NLGN1: variants seen among roughly 807,000 people sequenced by gnomAD.
NLGN1 encodes neuroligin 1, also known as neuroligin-1.
Under a neutral mutation model 65.5 loss-of-function variants are expected in NLGN1, and 12 were observed. The ratio of observed to expected loss-of-function variants is 0.18; its 90% CI spans 0.12 to 0.30. The LOEUF (loss-of-function observed/expected upper bound fraction) is 0.30, where lower values mean the gene tolerates loss of function less well. Ranked by LOEUF, NLGN1 falls within the 10% of genes least tolerant of loss-of-function variation. NLGN1 has a pLI of 1.00. For missense variants in NLGN1, 750 were observed against 1,007.1 expected (o/e 0.74, Z 3.46); for synonymous variants, 350 against 359.5 (o/e 0.97, Z 0.30).
At chr3:173,957,108 GTGATTTAA>G (rs922772822) in intron 4 of NLGN1, among the ~76,000 whole-genome samples, 33 of 152,122 alleles carry the variant, frequency 2.2e-4, no homozygotes, top group Non-Finnish European at 4.3e-4. Flanking sequence ...GGAGGGTAAA[GTGATTTAA>G]TGAGAATTAG....
intron 2 of NLGN1, among the ~76,000 whole-genome samples, chr3:173,542,344 G>C (rs1300143033): frequency 1.3e-5 from 2 of 151,788 alleles, no homozygotes; most frequent in Non-Finnish European, 2.9e-5. Context: ...TTCTTTAAAG[G>C]GTGTTTTCAT....
chr3:174,006,614 T>C (rs1217228759), intron 4 of NLGN1, among the ~76,000 whole-genome samples: 1 of 152,146 alleles, frequency 6.6e-6, no homozygotes, highest in Non-Finnish European at 1.5e-5. Context: ...TATCTATTCA[T>C]CTAGTAATAG....
intron 4 of NLGN1, among the ~76,000 whole-genome samples, chr3:174,217,456 C>T (rs917817430): frequency 4.6e-5 from 7 of 152,016 alleles, no homozygotes; most frequent in Admixed American, 1.3e-4. Context: ...ACTGAAAGTC[C>T]AAGATAAGGG....
chr3:174,260,455 A>G (rs1029410002), intron 4 of NLGN1, among the ~76,000 whole-genome samples: 15 of 151,716 alleles, frequency 9.9e-5, no homozygotes, highest in African/African-American at 3.6e-4. Context: ...GCATTTTTTC[A>G]TGTGTTTTTT....
At chr3:173,937,659 T>A (rs570567681) in intron 4 of NLGN1, among the ~76,000 whole-genome samples, 2 of 152,282 alleles carry the variant, frequency 1.3e-5, no homozygotes, top group African/African-American at 4.8e-5. Flanking sequence ...TGGTTAGAGA[T>A]AAATTACTAA....
intron 4 of NLGN1, among the ~76,000 whole-genome samples, chr3:173,915,795 A>G (rs1740613399): frequency 6.6e-6 from 1 of 152,122 alleles, no homozygotes; most frequent in South Asian, 2.1e-4. Flanking sequence ...CCAGAAAACC[A>G]TGGTACTTAT....
intron 4 of NLGN1, among the ~76,000 whole-genome samples, chr3:173,857,057 A>G (rs933906226): frequency 1.3e-5 from 2 of 151,978 alleles, no homozygotes; most frequent in African/African-American, 4.8e-5. Flanking sequence ...AAATTAAGAA[A>G]CAAAATTTCT....
At chr3:173,870,039 G>A (rs1356802804) in intron 4 of NLGN1, among the ~76,000 whole-genome samples, 2 of 152,102 alleles carry the variant, frequency 1.3e-5, no homozygotes, top group Non-Finnish European at 2.9e-5. Flanking sequence ...ATGCTGACCA[G>A]TACAAATGCA....
At chr3:173,430,481 G>T (rs918764611) in intron 1 of NLGN1, among the ~76,000 whole-genome samples, 27 of 152,238 alleles carry the variant, frequency 1.8e-4, no homozygotes, top group African/African-American at 6.3e-4. Flanking sequence ...GTATCTTTTG[G>T]AAAAATGTCA....
intron 4 of NLGN1, among the ~76,000 whole-genome samples, chr3:174,114,907 G>C (rs1716056114): frequency 6.6e-6 from 1 of 151,960 alleles, no homozygotes; most frequent in African/African-American, 2.4e-5. Context: ...CAAAATAGCA[G>C]GTATCTATTA....
intron 3 of NLGN1, among the ~76,000 whole-genome samples, chr3:173,736,279 T>C (rs1371065256): frequency 6.6e-6 from 1 of 152,108 alleles, no homozygotes; most frequent in Non-Finnish European, 1.5e-5. Flanking sequence ...AGAAGTGAAA[T>C]TGCTGATTGA....
chr3:174,009,293 G>A (rs955709597), intron 4 of NLGN1, among the ~76,000 whole-genome samples: 4 of 152,242 alleles, frequency 2.6e-5, no homozygotes, highest in East Asian at 3.9e-4. Flanking sequence ...AGGGAGTAGG[G>A]TTTTAACATA....
At chr3:173,477,855 A>G (rs1012303462) in intron 2 of NLGN1, among the ~76,000 whole-genome samples, 2 of 152,152 alleles carry the variant, frequency 1.3e-5, no homozygotes, top group African/African-American at 4.8e-5. Flanking sequence ...TAAGTGAGAT[A>G]CCATCTCACA....
chr3:174,276,588 T>C (rs1412738978), intron 5 of NLGN1, among the ~76,000 whole-genome samples: 1 of 151,888 alleles, frequency 6.6e-6, no homozygotes, highest in Non-Finnish European at 1.5e-5. Context: ...ACCAAACATA[T>C]GGTATTTGTT....
intron 3 of NLGN1, among the ~76,000 whole-genome samples, chr3:173,607,371 T>C (rs1444134855): frequency 6.6e-6 from 1 of 151,870 alleles, no homozygotes; most frequent in African/African-American, 2.4e-5. Context: ...CTATTAACTA[T>C]GCATTCTAAA....
At chr3:173,609,086 A>G (rs1431768167) in intron 3 of NLGN1, among the ~76,000 whole-genome samples, 2 of 151,968 alleles carry the variant, frequency 1.3e-5, no homozygotes, top group East Asian at 3.9e-4. Context: ...CAAACAAGAA[A>G]GTGGTCAAAT....
intron 4 of NLGN1, among the ~76,000 whole-genome samples, chr3:173,887,282 C>T (rs1336493864): frequency 6.6e-6 from 1 of 151,982 alleles, no homozygotes; most frequent in African/African-American, 2.4e-5. Flanking sequence ...TCTTGGATCA[C>T]AATGATTCTG....
At position 173,675,332 on chromosome 3, in the gene NLGN1, T is replaced by C. The variant is rs79211880; in HGVS notation, c.493+70241T>C. ...GTTTTCAAAATGCCAGAATCCCATA[T>C]TCATTTCATTGCGCATATATCTCTC... On this transcript the variant is annotated intron_variant, in intron 3 of 6. Coordinates refer to ENST00000457714, the Ensembl canonical transcript of NLGN1. Among the ~76,000 whole-genome samples the C allele has an allele frequency of 9.2e-3, 1,406 of 152,268 alleles. 11 individuals are homozygous for C. The highest frequency in any genetic ancestry group is 0.015 in the Admixed American group (236 of 15,272).
At chr3:174,096,381 T>G (rs1029868460) in intron 4 of NLGN1, among the ~76,000 whole-genome samples, 9 of 151,974 alleles carry the variant, frequency 5.9e-5, no homozygotes, top group African/African-American at 1.9e-4. Context: ...AGTACAAATA[T>G]AACCTAGTTA....
Sources: gnomAD v4.1 joint callset for allele counts (sites outside exome capture counted in the v4.1 genomes callset) on GRCh38, gnomAD v4.1.1 for gene constraint, MANE v1.5 for transcripts, NCBI Gene and HGNC (gene_info 2026-07-23, HGNC 2026-07-21) for gene names.